TNKS: variants seen among roughly 807,000 people sequenced by gnomAD.
The protein encoded by TNKS is tankyrase.
A neutral mutation model predicts 135.8 loss-of-function variants in TNKS; 72 were observed. That is an observed-to-expected ratio of 0.53 (90% CI 0.44 to 0.64). The LOEUF (loss-of-function observed/expected upper bound fraction) is 0.64, where lower values mean the gene tolerates loss of function less well. Ranked by LOEUF, TNKS falls within the 30% of genes least tolerant of loss-of-function variation. TNKS has a pLI of 0.00. For missense variants in TNKS, 1,769 were observed against 1,674.0 expected, an observed-to-expected ratio of 1.06 and a Z score of -0.99; for synonymous variants, 849 against 649.3, an observed-to-expected ratio of 1.31 and a Z score of -4.68.
chr8:9,607,485 A>G (rs1166847418), intron 2 of TNKS, among the ~76,000 whole-genome samples: 4 of 152,200 alleles, frequency 2.6e-5, no homozygotes, highest in African/African-American at 7.2e-5. Context: ...GTTAGCTGCA[A>G]TGTGGAATCT....
chr8:9,597,030 A>T lies in TNKS; in HGVS notation c.898+16647A>T, dbSNP rs934742881. ...TATGTAGATATGCCTTTTAGAATTT[A>T]CTTCTGGGGAAGAAAGCTTGAGTAT... On this transcript the variant is annotated intron_variant, in intron 2 of 26. Transcript: ENST00000310430. 2.6e-5 allele frequency among the ~76,000 whole-genome samples: 4 copies of T among 152,234 alleles called. 1 individual carries two copies. The highest frequency in any genetic ancestry group is 9.7e-5 in the African/African-American group (4 of 41,450).
intron 3 of TNKS, among the ~76,000 whole-genome samples, chr8:9,664,533 A>G (rs1801898981): frequency 6.6e-6 from 1 of 152,230 alleles, no homozygotes; most frequent in South Asian, 2.1e-4. Flanking sequence ...AACATATAAA[A>G]ATGTACTTAT....
At chr8:9,676,698 GTGTGTGTGTGTGTT>G (rs1483339272) in intron 3 of TNKS, among the ~76,000 whole-genome samples, 2 of 151,442 alleles carry the variant, frequency 1.3e-5, no homozygotes, top group African/African-American at 4.9e-5. Context: ...GTGTGTGTGT[GTGTGTGTGTGTGTT>G]TGTGTGTGTG....
At chr8:9,774,808 G>C (rs1366936360) in intron 26 of TNKS, among the ~76,000 whole-genome samples, 3 of 152,168 alleles carry the variant, frequency 2.0e-5, no homozygotes, top group Non-Finnish European at 2.9e-5. Flanking sequence ...CCTAAATGCA[G>C]ACACCGGCAC....
rs773491393 is a variant in TNKS at position 9,580,218 on chromosome 8, C to G, written c.733C>G (p.Arg245Gly). ...ACAGATGGGTGCTAATGTCCACGCT[C>G]GTGATGATGGAGGTCTCATCCCGCT... ...LLQMGANVHARDDGGLIPLHN... is the reference protein window; with the variant it reads ...LLQMGANVHAGDDGGLIPLHN... Residue 245 changes from arginine to glycine, a missense_variant, in exon 2 of 27, where the codon CGT becomes GGT. Physicochemically the swap from Arg to Gly is moderately radical, Grantham distance 125 (BLOSUM62 -2). Coordinates refer to ENST00000310430, the MANE Select transcript of TNKS (RefSeq NM_003747.3). 6.2e-7 allele frequency: 1 copy of G among 1,614,100 alleles called. No homozygotes were observed. Among genetic ancestry groups the G allele is most frequent in the Non-Finnish European group, 8.5e-7 (1 of 1,180,022 alleles).
At chr8:9,678,974 T>C (rs1459308156) in intron 3 of TNKS, among the ~76,000 whole-genome samples, 1 of 152,220 alleles carries the variant, frequency 6.6e-6, no homozygotes, top group African/African-American at 2.4e-5. Flanking sequence ...TTTTATTTAC[T>C]GAAGGAACAA....
At position 9,706,880 on chromosome 8, in the gene TNKS, C is replaced by A; in HGVS notation, c.1339C>A (p.Arg447Ser). 1 of 1,613,918 alleles carries A rather than the reference C, an allele frequency of 6.2e-7. No homozygotes were observed. The highest frequency in any genetic ancestry group is 8.5e-7 in the Non-Finnish European group (1 of 1,179,932). Residue 447 changes from arginine to serine, a missense_variant, in exon 8 of 27, where the codon CGT becomes AGT. Around this residue, in one of 5 missense-constraint regions of TNKS, gnomAD observed 523 missense variants for 541.0 expected, o/e 0.97. Transcript: ENST00000310430. The part of the protein sequence containing the change: ...TPLHEAASKN[R>S]VEVCSLLLSH... ...ACTGCACGAGGCTGCTTCCAAGAACCGTGTAGAAGTCTGCTCTTTGTTACT... is the reference window on the plus strand; with the variant it reads ...ACTGCACGAGGCTGCTTCCAAGAACAGTGTAGAAGTCTGCTCTTTGTTACT...
chr8:9,707,527 G>A (rs1388812147), intron 8 of TNKS, among the ~76,000 whole-genome samples: 1 of 152,100 alleles, frequency 6.6e-6, no homozygotes, highest in African/African-American at 2.4e-5. Context: ...TGTGTGTTAT[G>A]ACCCAAGTAT....
intron 1 of TNKS, 53 bp downstream of exon 1, chr8:9,556,665 C>T: frequency 6.2e-7 from 1 of 1,600,852 alleles, no homozygotes. Flanking sequence ...GTGCAGGGTC[C>T]GGTTAGGACA....
intron 5 of TNKS, among the ~76,000 whole-genome samples, chr8:9,699,035 C>G (rs755946207): frequency 8.5e-5 from 13 of 152,120 alleles, no homozygotes; most frequent in Non-Finnish European, 1.8e-4. Flanking sequence ...TAAAATGATC[C>G]TAACAGAAAC....
At chr8:9,685,802 G>C (rs1484058017) in intron 5 of TNKS, among the ~76,000 whole-genome samples, 2 of 152,056 alleles carry the variant, frequency 1.3e-5, no homozygotes, top group East Asian at 3.9e-4. Context: ...ATATCTGGCT[G>C]AAAATAATGC....
rs967806452 is a variant in TNKS at position 9,702,324 on chromosome 8, CACAT to C, written c.1108-2335_1108-2332del. 9.8e-4 allele frequency among the ~76,000 whole-genome samples: 149 copies of C among 151,578 alleles called. 1 individual carries two copies. The highest frequency in any genetic ancestry group is 3.1e-3 in the South Asian group (15 of 4,824). On this transcript the variant is annotated intron_variant, in intron 5 of 26. Transcript: ENST00000310430. ...GCGTGTGCGTGCACACACACACACA[CACAT>C]ACACACACGAAGAAAACTATACCAA... is the stretch of plus-strand genomic sequence containing the variant.
intron 3 of TNKS, among the ~76,000 whole-genome samples, chr8:9,644,513 A>G (rs1800841765): frequency 1.3e-5 from 2 of 152,130 alleles, no homozygotes; most frequent in Non-Finnish European, 2.9e-5. Context: ...AACGTTTCCC[A>G]CTAGAACTTT....
intron 12 of TNKS, among the ~76,000 whole-genome samples, chr8:9,721,178 G>A (rs1351173069): frequency 6.6e-6 from 1 of 151,414 alleles, no homozygotes; most frequent in Non-Finnish European, 1.5e-5. Flanking sequence ...CTACTTGGGA[G>A]GCTGAGGCAA....
chr8:9,675,207 C>A (rs894117593), intron 3 of TNKS, among the ~76,000 whole-genome samples: 5 of 152,150 alleles, frequency 3.3e-5, no homozygotes, highest in African/African-American at 1.2e-4. Flanking sequence ...TTCAAATCTA[C>A]TAGTGAAAAC....
intron 11 of TNKS, among the ~76,000 whole-genome samples, chr8:9,712,070 A>G (rs1169870859): frequency 1.3e-5 from 2 of 152,260 alleles, no homozygotes; most frequent in East Asian, 1.9e-4. Context: ...TTACATTAAA[A>G]TTAGGCATTC....
rs71201959 is a variant in TNKS at position 9,649,878 on chromosome 8, C to CTTTTT, written c.995-30048_995-30044dup. 2.7e-3 allele frequency among the ~76,000 whole-genome samples: 224 copies of CTTTTT among 83,368 alleles called. 4 individuals carry two copies. Among genetic ancestry groups the CTTTTT allele is most frequent in the African/African-American group, 9.3e-3 (175 of 18,784 alleles). The allele number at this position is 83,368 out of a possible 152,430, so 54.7% of individuals were successfully genotyped here. A position where few individuals can be genotyped will look rare whatever the true frequency, so the allele number is the denominator to read the frequency against. The stretch of plus-strand genomic sequence containing the variant: ...CACAGTTCTTTCTTTCTTTTCTTTT[C>CTTTTT]TTTTTTTTTTTTTTTTTTTTTTTTT... On this transcript the variant is annotated intron_variant, in intron 3 of 26. Transcript: ENST00000310430.
rs555977960 is a variant in TNKS, at chr8:9,676,858, A to C, written c.995-3093A>C. 3.9e-5 allele frequency among the ~76,000 whole-genome samples: 6 copies of C among 152,114 alleles called. 1 individual carries two copies. Among genetic ancestry groups the C allele is most frequent in the African/African-American group, 1.4e-4 (6 of 41,494 alleles). ...TAATAGAAAATGTTTTAAGCCATCT[A>C]TTTTCTTCATTCCTGGTTGCTATTA... On this transcript the variant is annotated intron_variant, in intron 3 of 26. Coordinates refer to ENST00000310430, the MANE Select transcript of TNKS (RefSeq NM_003747.3).
chr8:9,627,208 C>A (rs566672974), intron 3 of TNKS, among the ~76,000 whole-genome samples: 1 of 152,316 alleles, frequency 6.6e-6, no homozygotes, highest in African/African-American at 2.4e-5. Flanking sequence ...GGAAGCGCCT[C>A]TCCCCCTTCC....
Sources: allele counts gnomAD v4.1 joint callset (sites outside exome capture counted in the v4.1 genomes callset), GRCh38; gene constraint gnomAD v4.1.1; regional missense constraint gnomAD v4.1.1; transcripts MANE v1.5; gene names NCBI Gene and HGNC (gene_info 2026-07-23, HGNC 2026-07-21).